Variants in FIP1L1 observed in about 807,000 individuals in gnomAD.
The protein encoded by FIP1L1 is factor interacting with PAPOLA and CPSF1.
FIP1L1 carries 21 observed loss-of-function variants against 84.6 expected under a neutral mutation model. The ratio of observed to expected loss-of-function variants is 0.25; its 90% CI spans 0.18 to 0.36. The LOEUF is 0.36. FIP1L1 is among the 10% of genes least tolerant of loss of function. The probability of loss-of-function intolerance (pLI) is 1.00; values close to 1 mark genes in which losing one functional copy is unlikely to be tolerated. For synonymous variants in FIP1L1, 263 were observed against 242.3 expected (o/e 1.09, Z -0.80); for missense variants, 526 against 751.1 (o/e 0.70, Z 3.50).
At chr4:53,405,476 G>C (rs955951550) in intron 10 of FIP1L1, among the ~76,000 whole-genome samples, 3 of 151,944 alleles carry the variant, frequency 2.0e-5, no homozygotes, top group African/African-American at 7.3e-5. Context: ...GCTTAGGATT[G>C]CCTTGGCGAT....
At chr4:53,453,164 G>T in intron 16 of FIP1L1, 31 bp downstream of exon 16, 1 of 1,606,014 alleles carries the variant, frequency 6.2e-7, no homozygotes, top group South Asian at 1.1e-5. Flanking sequence ...TTTATACTAT[G>T]TATTTTATAA....
intron 10 of FIP1L1, among the ~76,000 whole-genome samples, chr4:53,403,586 G>A (rs1751404807): frequency 6.6e-6 from 1 of 152,144 alleles, no homozygotes; most frequent in African/African-American, 2.4e-5. Flanking sequence ...TGCTGATTGT[G>A]GAAGTGTTTT....
chr4:53,407,200 G>A (rs1364250095), intron 10 of FIP1L1, among the ~76,000 whole-genome samples: 1 of 152,078 alleles, frequency 6.6e-6, no homozygotes, highest in African/African-American at 2.4e-5. Context: ...AGAGATTCTG[G>A]TATGTTGTGT....
intron 16 of FIP1L1, 76 bp from the exon 17 acceptor site, chr4:53,458,577 A>ACAT: frequency 1.4e-6 from 2 of 1,474,652 alleles, no homozygotes; most frequent in Non-Finnish European, 9.2e-7. Context: ...ACTGCAGATC[A>ACAT]CATCTCTTTT....
In FIP1L1 at chr4:53,377,921, G is replaced by A; in HGVS notation, c.83G>A (p.Gly28Asp). 1 of 1,593,074 alleles carries A rather than the reference G, an allele frequency of 6.3e-7. No homozygotes were observed. Among genetic ancestry groups the A allele is most frequent in the African/African-American group, 1.3e-5 (1 of 74,460 alleles). The change falls in exon 1 of 18, where the codon GGC becomes GAC. Residue 28 changes from glycine (G) to aspartate (D), a missense_variant and splice_region_variant. This residue lies in a region of FIP1L1 where 100 missense variants were observed against 107.2 expected (regional missense o/e 0.93). Transcript: ENST00000337488. The part of the protein sequence containing the change: ...GGDEEEEWLY[G>D]GPWDVHVHSD... ...GATGAGGAGGAAGAGTGGCTCTATG[G>A]CGGTACGAAACTTCCTGTCTCTGTC... is the stretch of plus-strand genomic sequence containing the variant.
intron 13 of FIP1L1, among the ~76,000 whole-genome samples, chr4:53,439,721 T>C (rs1364563159): frequency 6.6e-6 from 1 of 152,050 alleles, no homozygotes; most frequent in Non-Finnish European, 1.5e-5. Flanking sequence ...ATTTTCCTGC[T>C]TAGAAATCTC....
chr4:53,405,703 C>G (rs1253854345), intron 10 of FIP1L1, among the ~76,000 whole-genome samples: 4 of 147,998 alleles, frequency 2.7e-5, no homozygotes, highest in Non-Finnish European at 6.0e-5. Context: ...GTTTGTAGTT[C>G]TCCTTGAAGA....
At chr4:53,420,197 CAAAAAAAAAAA>C (rs1166566869) in intron 11 of FIP1L1, among the ~76,000 whole-genome samples, 9 of 17,546 alleles carry the variant, frequency 5.1e-4, no homozygotes, top group East Asian at 1.8e-3. Flanking sequence ...GACTCCGTCT[CAAAAAAAAAAA>C]AAAAAAAAAA....
intron 16 of FIP1L1, 139 bp downstream of exon 16, chr4:53,453,272 A>G: frequency 2.2e-6 from 2 of 922,964 alleles, no homozygotes; most frequent in African/African-American, 3.3e-5. Flanking sequence ...TTAAAATGAT[A>G]AAGGATTAGA....
At chr4:53,455,828 C>T (rs915167795) in intron 16 of FIP1L1, among the ~76,000 whole-genome samples, 9 of 151,620 alleles carry the variant, frequency 5.9e-5, no homozygotes, top group South Asian at 4.1e-4. Context: ...CAAGAAGGAA[C>T]TGATGAGGAT....
At chr4:53,389,750 A>T in intron 5 of FIP1L1, 59 bp from the exon 6 acceptor site, 1 of 1,274,632 alleles carries the variant, frequency 7.8e-7, no homozygotes, top group Non-Finnish European at 1.1e-6. Flanking sequence ...GGAATATATT[A>T]CTGTTTTGTT....
chr4:53,452,554 A>G (rs559472018), intron 15 of FIP1L1, among the ~76,000 whole-genome samples: 1 of 152,234 alleles, frequency 6.6e-6, no homozygotes, highest in Non-Finnish European at 1.5e-5. Flanking sequence ...CCTAGCCTCA[A>G]GTTATCTGCC....
chr4:53,377,713 G>GA lies in FIP1L1; in HGVS notation c.-126_-125insA. 1.2e-6 allele frequency: 1 copy of GA among 841,256 alleles called. No individual in the cohort carries two copies. Among genetic ancestry groups the GA allele is most frequent in the Non-Finnish European group, 1.8e-6 (1 of 569,664 alleles). 52.1% of individuals were successfully genotyped at this position (841,256 alleles called of 1,614,324 possible). On this transcript the variant is annotated 5_prime_UTR_variant, in exon 1 of 18. It introduces an in-frame stop codon into an upstream open reading frame of the 5' UTR. Transcript: ENST00000337488. ...CTGCCGTCGCCTTCCTGGGATTGGA[G>GA]TCTCGAGCTTTCTTCGTTCGTTCGT...
chr4:53,399,903 T>G, intron 10 of FIP1L1, 64 bp downstream of exon 10: 1 of 1,073,816 alleles, frequency 9.3e-7, no homozygotes, highest in Non-Finnish European at 1.4e-6. Context: ...GTATTTGTGC[T>G]ATATTAAGTA....
chr4:53,387,057 A>G (rs1024520043), intron 5 of FIP1L1, among the ~76,000 whole-genome samples: 3 of 152,250 alleles, frequency 2.0e-5, no homozygotes, highest in Admixed American at 6.5e-5. Flanking sequence ...TGGGTTAGAT[A>G]GAGAGACATT....
intron 16 of FIP1L1, among the ~76,000 whole-genome samples, chr4:53,456,743 T>C (rs984239019): frequency 2.6e-5 from 4 of 152,054 alleles, no homozygotes; most frequent in Non-Finnish European, 4.4e-5. Flanking sequence ...CAGCCACTTA[T>C]CAGAAAAGGG....
intron 4 of FIP1L1, among the ~76,000 whole-genome samples, chr4:53,383,054 T>C (rs1738945444): frequency 6.6e-6 from 1 of 152,056 alleles, no homozygotes; most frequent in Non-Finnish European, 1.5e-5. Context: ...TTTGGTACAT[T>C]GTATTTGTGA....
chr4:53,401,444 A>G (rs1750215646), intron 10 of FIP1L1, among the ~76,000 whole-genome samples: 1 of 152,226 alleles, frequency 6.6e-6, no homozygotes, highest in Non-Finnish European at 1.5e-5. Context: ...AACAGACTAC[A>G]GAGTTACTTA....
intron 17 of FIP1L1, among the ~76,000 whole-genome samples, chr4:53,459,037 GTATATTATAA>G: frequency 6.6e-6 from 1 of 152,150 alleles, no homozygotes. Flanking sequence ...ATTTGTTACT[GTATATTATAA>G]TATGCATTTC....
Sources: gnomAD v4.1 joint callset for allele counts (sites outside exome capture counted in the v4.1 genomes callset) on GRCh38, gnomAD v4.1.1 for gene constraint, gnomAD v4.1.1 regional missense constraint, MANE v1.5 for transcripts, NCBI Gene and HGNC (gene_info 2026-07-23, HGNC 2026-07-21) for gene names.